Variants in NSG2 observed in about 807,000 individuals in gnomAD.
The protein encoded by NSG2 is neuronal vesicle trafficking associated 2, also known as neuronal vesicle trafficking-associated protein 2.
In NSG2, 4 loss-of-function variants were observed where a neutral mutation model predicts 16.9. The ratio of observed to expected loss-of-function variants is 0.24; its 90% CI spans 0.12 to 0.54. The LOEUF (loss-of-function observed/expected upper bound fraction) is 0.54. NSG2 is among the 20% of genes least tolerant of loss of function. The probability of loss-of-function intolerance (pLI) is 0.95; values close to 1 mark genes in which losing one functional copy is unlikely to be tolerated. For synonymous variants in NSG2, 98 were observed against 88.7 expected (o/e 1.11, Z -0.59); for missense variants, 179 against 221.1 (o/e 0.81, Z 1.21).
chr5:174,051,165 G>A (rs1759882928), intron 2 of NSG2, among the ~76,000 whole-genome samples: 1 of 152,160 alleles, frequency 6.6e-6, no homozygotes, highest in African/African-American at 2.4e-5. Context: ...CACAACTAGA[G>A]GGAGGATTCT....
At chr5:174,097,621 G>A (rs1760821778) in intron 3 of NSG2, among the ~76,000 whole-genome samples, 1 of 149,968 alleles carries the variant, frequency 6.7e-6, no homozygotes, top group African/African-American at 2.5e-5. Flanking sequence ...GTTTCTCTCT[G>A]TGTGTGTCTC....
intron 2 of NSG2, among the ~76,000 whole-genome samples, chr5:174,052,756 T>A (rs900568087): frequency 6.6e-6 from 1 of 152,118 alleles, no homozygotes; most frequent in Non-Finnish European, 1.5e-5. Context: ...GGTGGAAGGC[T>A]GTCCTAGGGT....
chr5:174,073,549 C>A (rs1287354546), intron 3 of NSG2, among the ~76,000 whole-genome samples: 1 of 152,182 alleles, frequency 6.6e-6, no homozygotes, highest in Non-Finnish European at 1.5e-5. Flanking sequence ...ACTGAAGATG[C>A]TGGCCTATGT....
intron 3 of NSG2, among the ~76,000 whole-genome samples, chr5:174,096,571 G>A (rs779905651): frequency 5.3e-5 from 8 of 152,172 alleles, no homozygotes; most frequent in Non-Finnish European, 8.8e-5. Context: ...GTGGTGGCTC[G>A]TTCATCAGGG....
chr5:174,101,820 C>T (rs532019616), intron 3 of NSG2, among the ~76,000 whole-genome samples: 36 of 152,290 alleles, frequency 2.4e-4, no homozygotes, highest in African/African-American at 7.7e-4. Flanking sequence ...ATTTGTGAGT[C>T]GTGGTCTTGG....
At chr5:174,087,768 A>G (rs1760655003) in intron 3 of NSG2, among the ~76,000 whole-genome samples, 1 of 152,014 alleles carries the variant, frequency 6.6e-6, no homozygotes, top group South Asian at 2.1e-4. Flanking sequence ...AGACTGGGTA[A>G]CAGAGGGAGA....
chr5:174,060,352 A>G (rs1265594799), intron 2 of NSG2, among the ~76,000 whole-genome samples: 1 of 152,076 alleles, frequency 6.6e-6, no homozygotes, highest in African/African-American at 2.4e-5. Context: ...GAGAAAGACT[A>G]AGAAGCAAGT....
chr5:174,106,145 T>A (rs766877590), intron 4 of NSG2, among the ~76,000 whole-genome samples: 1 of 152,072 alleles, frequency 6.6e-6, no homozygotes, highest in African/African-American at 2.4e-5. Context: ...TGGAAAGAAA[T>A]TCAGGAAGGA....
chr5:174,081,886 T>G (rs1319274619), intron 3 of NSG2, among the ~76,000 whole-genome samples: 1 of 64,460 alleles, frequency 1.6e-5, no homozygotes, highest in African/African-American at 9.2e-5. Context: ...AGACTCCGAC[T>G]CAAAAAAAAA....
At chr5:174,068,339 G>A (rs894042859) in intron 3 of NSG2, among the ~76,000 whole-genome samples, 7 of 152,302 alleles carry the variant, frequency 4.6e-5, no homozygotes, top group Admixed American at 6.5e-5. Flanking sequence ...AACTAAGGAG[G>A]CCCTGCAGTC....
chr5:174,096,039 A>C (rs1581241121), intron 3 of NSG2, among the ~76,000 whole-genome samples: 2 of 152,310 alleles, frequency 1.3e-5, no homozygotes, highest in East Asian at 3.9e-4. Flanking sequence ...AAATTATGCA[A>C]CCTTTCTGTG....
intron 2 of NSG2, among the ~76,000 whole-genome samples, chr5:174,060,702 T>C (rs564725020): frequency 6.6e-6 from 1 of 152,292 alleles, no homozygotes; most frequent in African/African-American, 2.4e-5. Flanking sequence ...CACTGACACT[T>C]GAGATCTTCT....
intron 2 of NSG2, among the ~76,000 whole-genome samples, chr5:174,048,148 A>G (rs1759830974): frequency 6.6e-6 from 1 of 152,254 alleles, no homozygotes; most frequent in Non-Finnish European, 1.5e-5. Context: ...TTAAAGATAA[A>G]TTCTGAACAG....
chr5:174,049,103 G>T (rs1183018590), intron 2 of NSG2, among the ~76,000 whole-genome samples: 1 of 152,170 alleles, frequency 6.6e-6, no homozygotes, highest in African/African-American at 2.4e-5. Context: ...ACTTTGGGAG[G>T]CTGAGGCGGG....
chr5:174,100,984 G>A (rs1024830507), intron 3 of NSG2, among the ~76,000 whole-genome samples: 1 of 152,248 alleles, frequency 6.6e-6, no homozygotes, highest in African/African-American at 2.4e-5. Flanking sequence ...GGGATGGGAA[G>A]CTTTCCAGCA....
At chr5:174,053,811 C>A (rs1368009255) in intron 2 of NSG2, among the ~76,000 whole-genome samples, 1 of 152,180 alleles carries the variant, frequency 6.6e-6, no homozygotes, top group African/African-American at 2.4e-5. Context: ...CTCATGTTGA[C>A]AATACTGGGG....
chr5:174,104,183 G>A (rs749674960), intron 3 of NSG2, 45 bp from the exon 4 acceptor site: 1 of 1,401,624 alleles, frequency 7.1e-7, no homozygotes, highest in South Asian at 1.2e-5. Flanking sequence ...GGGGACTGAA[G>A]GTGGGCAGAC....
intron 2 of NSG2, among the ~76,000 whole-genome samples, chr5:174,052,009 G>A (rs986097310): frequency 2.0e-5 from 3 of 152,120 alleles, no homozygotes; most frequent in Non-Finnish European, 4.4e-5. Flanking sequence ...GGTATTTAAA[G>A]CAGGAGAGTC....
At chr5:174,083,281 A>G (rs537927706) in intron 3 of NSG2, among the ~76,000 whole-genome samples, 3 of 152,192 alleles carry the variant, frequency 2.0e-5, no homozygotes, top group Non-Finnish European at 2.9e-5. Flanking sequence ...GCTTGTATCT[A>G]TTGTCCAGTG....
Sources: gnomAD v4.1 joint callset for allele counts (sites outside exome capture counted in the v4.1 genomes callset) on GRCh38, gnomAD v4.1.1 for gene constraint, MANE v1.5 for transcripts, NCBI Gene and HGNC (gene_info 2026-07-23, HGNC 2026-07-21) for gene names.